Variants in FBXL2 observed in about 807,000 individuals in gnomAD.
FBXL2 encodes the protein F-box and leucine rich repeat protein 2, also known as F-box/LRR-repeat protein 2.
In FBXL2, 38 loss-of-function variants were observed where a neutral mutation model predicts 69.2. That is an observed-to-expected ratio of 0.55 (90% confidence interval 0.42 to 0.72). The LOEUF is 0.72. Ranked by LOEUF, FBXL2 falls within the 30% of genes least tolerant of loss-of-function variation. FBXL2 has a pLI of 0.00. For synonymous variants in FBXL2, 192 were observed against 201.3 expected (o/e 0.95, Z 0.39); for missense variants, 354 against 520.3 (o/e 0.68, Z 3.11).
intron 2 of FBXL2, among the ~76,000 whole-genome samples, chr3:33,323,917 C>T (rs1193421318): frequency 6.6e-6 from 1 of 152,210 alleles, no homozygotes; most frequent in Non-Finnish European, 1.5e-5. Context: ...ATTTACACTC[C>T]TACCAACAGT....
chr3:33,366,431 C>T (rs1044556251), intron 5 of FBXL2, among the ~76,000 whole-genome samples: 2 of 151,998 alleles, frequency 1.3e-5, no homozygotes, highest in Non-Finnish European at 2.9e-5. Flanking sequence ...CTTTGGGAGG[C>T]CAAGGTGGGA....
intron 2 of FBXL2, among the ~76,000 whole-genome samples, chr3:33,342,855 G>A (rs1382339889): frequency 1.4e-5 from 2 of 144,212 alleles, no homozygotes; most frequent in Admixed American, 6.9e-5. Context: ...CCCGAGTAGC[G>A]TAGCTGGGAC....
At chr3:33,359,686 T>C (rs2041475375) in intron 4 of FBXL2, among the ~76,000 whole-genome samples, 1 of 150,668 alleles carries the variant, frequency 6.6e-6, no homozygotes. Context: ...ATCTAGAAAA[T>C]CCACCGAGAA....
intron 2 of FBXL2, among the ~76,000 whole-genome samples, chr3:33,343,814 A>G (rs2040244176): frequency 6.6e-6 from 1 of 152,132 alleles, no homozygotes; most frequent in South Asian, 2.1e-4. Flanking sequence ...AACCTGTGGT[A>G]TGTAGGTCTT....
At chr3:33,418,013 T>C in the FBXL2 span, among the ~76,000 whole-genome samples, 23 of 152,308 alleles carry the variant, frequency 1.5e-4, no homozygotes, top group Admixed American at 9.8e-4. Flanking sequence ...AAAACACCTG[T>C]ATGGGAAGAG....
intron 12 of FBXL2, 117 bp downstream of exon 12, chr3:33,378,264 G>A: frequency 9.3e-7 from 1 of 1,078,496 alleles, no homozygotes; most frequent in East Asian, 2.4e-5. Context: ...ATCAACCTCA[G>A]TGGCAGGGCT....
intron 11 of FBXL2, 70 bp from the exon 12 acceptor site, chr3:33,378,033 A>G (rs1167746977): frequency 2.1e-6 from 3 of 1,460,862 alleles, no homozygotes; most frequent in Non-Finnish European, 2.9e-6. Context: ...ACTCAGAGGG[A>G]TAGGGCAAGC....
chr3:33,381,718 T>C (rs2043080333), intron 13 of FBXL2, among the ~76,000 whole-genome samples: 1 of 152,136 alleles, frequency 6.6e-6, no homozygotes, highest in South Asian at 2.1e-4. Flanking sequence ...TTATTGTAAG[T>C]AATCAAACTT....
At chr3:33,398,501 T>C (rs2154055564) in intron 12 of FBXL2, 1 of 152,442 alleles carries the variant, frequency 6.6e-6, no homozygotes, top group Middle Eastern at 3.4e-3. Flanking sequence ...GACAGATAAC[T>C]GCAATGTACA....
Position 33,386,568 on chromosome 3 carries a change from T to G in FBXL2, c.*960T>G, listed in dbSNP as rs1366799216. 1 of 152,022 alleles carries G rather than the reference T, an allele frequency of 6.6e-6. No homozygotes were observed. Among genetic ancestry groups the G allele is most frequent in the Non-Finnish European group, 1.5e-5 (1 of 68,006 alleles). 9.4% of individuals were successfully genotyped at this position (152,022 alleles called of 1,614,324 possible). ...AAGTTTTACACACTTAAAACTCAGA[T>G]CAGTAAGTGTTGGTACCTTTTAGAC... On this transcript the variant is annotated 3_prime_UTR_variant, in exon 15 of 15. Transcript: ENST00000484457.
chr3:33,349,323 A>AT (rs1293403799), intron 2 of FBXL2, among the ~76,000 whole-genome samples: 1 of 152,066 alleles, frequency 6.6e-6, no homozygotes, highest in Non-Finnish European at 1.5e-5. Flanking sequence ...GTTAGGTTGA[A>AT]TTTTATCTGG....
At chr3:33,320,660 T>C (rs534379007) in intron 2 of FBXL2, among the ~76,000 whole-genome samples, 1 of 152,092 alleles carries the variant, frequency 6.6e-6, no homozygotes, top group African/African-American at 2.4e-5. Flanking sequence ...TTTGTATTTT[T>C]AGTAGAGACG....
At position 33,366,483 on chromosome 3, in the gene FBXL2, A is replaced by G. The variant is rs935019443; in HGVS notation, c.290+1764A>G. 3.3e-5 allele frequency among the ~76,000 whole-genome samples: 5 copies of G among 152,140 alleles called. No individual in the cohort carries two copies. In the South Asian group the frequency reaches 1.0e-3, roughly 32 times the overall value. On this transcript the variant is annotated intron_variant, in intron 5 of 14. Coordinates refer to ENST00000484457, the MANE Select transcript of FBXL2 (RefSeq NM_012157.5). ...GGATTTTGAGACCAGCCTGAGCAAC[A>G]CAGCAAGACCCCATCTCTAAAAAAA...
At chr3:33,281,527 C>G (rs2125668006) in intron 1 of FBXL2, among the ~76,000 whole-genome samples, 1 of 152,242 alleles carries the variant, frequency 6.6e-6, no homozygotes, top group African/African-American at 2.4e-5. Context: ...GTCTTTATAG[C>G]AGCATGATTT....
chr3:33,398,748 G>A (rs2044107683), intron 12 of FBXL2, among the ~76,000 whole-genome samples: 1 of 152,218 alleles, frequency 6.6e-6, no homozygotes, highest in African/African-American at 2.4e-5. Context: ...ACATGGATTT[G>A]CCTGATGTAA....
chr3:33,285,660 C>T (rs548300276), intron 1 of FBXL2, among the ~76,000 whole-genome samples: 4 of 152,208 alleles, frequency 2.6e-5, no homozygotes, highest in Non-Finnish European at 5.9e-5. Flanking sequence ...CCATTCTCCG[C>T]ATCACTTTCA....
Position 33,384,508 on chromosome 3 carries a change from C to A in FBXL2, c.1164+307C>A, listed in dbSNP as rs367673937. Among the ~76,000 whole-genome samples, 5 of 152,242 alleles carry A rather than the reference C, an allele frequency of 3.3e-5. No individual in the cohort carries two copies. In the East Asian group the frequency reaches 9.7e-4, roughly 29 times the overall value. On this transcript the variant is annotated intron_variant, in intron 14 of 14. Transcript: ENST00000484457. ...CCTGGGAAGCAGAAGTTGCAGTGAG[C>A]CCAGACTGCACCACTGCACTTCAGC...
At chr3:33,393,654 T>C (rs978920227) in intron 12 of FBXL2, among the ~76,000 whole-genome samples, 2 of 152,224 alleles carry the variant, frequency 1.3e-5, no homozygotes, top group Non-Finnish European at 2.9e-5. Flanking sequence ...AACGTAAGAA[T>C]ACATTATTTA....
chr3:33,350,208 T>C (rs1269370639), intron 2 of FBXL2, among the ~76,000 whole-genome samples: 1 of 152,158 alleles, frequency 6.6e-6, no homozygotes, highest in African/African-American at 2.4e-5. Context: ...TAAAGCAGAA[T>C]TTATTTCAAA....
Sources: gnomAD v4.1 joint callset for allele counts (sites outside exome capture counted in the v4.1 genomes callset) on GRCh38, gnomAD v4.1.1 for gene constraint, MANE v1.5 for transcripts, NCBI Gene and HGNC (gene_info 2026-07-23, HGNC 2026-07-21) for gene names.